The following HHAT variants were observed in gnomAD, a reference collection of about 807,000 sequenced individuals.
The protein encoded by HHAT is protein-cysteine N-palmitoyltransferase HHAT.
A neutral mutation model predicts 70.8 loss-of-function variants in HHAT; 47 were observed. That is an observed-to-expected ratio of 0.66 (90% CI 0.53 to 0.85). The LOEUF (loss-of-function observed/expected upper bound fraction) is 0.85. Ranked by LOEUF, HHAT falls within the 40% of genes least tolerant of loss-of-function variation. HHAT has a pLI of 0.00. For missense variants in HHAT, 609 were observed against 604.8 expected (o/e 1.01, Z -0.07); for synonymous variants, 228 against 247.6 (o/e 0.92, Z 0.74).
intron 1 of HHAT, among the ~76,000 whole-genome samples, chr1:210,340,904 T>G (rs1313661266): frequency 6.6e-6 from 1 of 152,214 alleles, no homozygotes; most frequent in Non-Finnish European, 1.5e-5. Context: ...GGTATGAATC[T>G]AAGCTTTGCT....
At chr1:210,450,023 G>C (rs1340760810) in intron 7 of HHAT, among the ~76,000 whole-genome samples, 1 of 152,044 alleles carries the variant, frequency 6.6e-6, no homozygotes, top group African/African-American at 2.4e-5. Flanking sequence ...GGCTTGGCGT[G>C]GTGGCTCACC....
chr1:210,477,025 C>T (rs1032269200), intron 8 of HHAT, among the ~76,000 whole-genome samples: 2 of 152,180 alleles, frequency 1.3e-5, no homozygotes, highest in African/African-American at 2.4e-5. Flanking sequence ...ATCTTACATT[C>T]ACATGGATCA....
chr1:210,474,321 C>A (rs533679133), intron 8 of HHAT, among the ~76,000 whole-genome samples: 5 of 152,152 alleles, frequency 3.3e-5, no homozygotes, highest in African/African-American at 1.2e-4. Context: ...GACAGGCTCT[C>A]GCTCTGTTGC....
At chr1:210,642,023 T>A (rs546946991) in intron 11 of HHAT, among the ~76,000 whole-genome samples, 1 of 152,380 alleles carries the variant, frequency 6.6e-6, no homozygotes, top group South Asian at 2.1e-4. Flanking sequence ...TGTATTTTTT[T>A]AAATTTGTCA....
chr1:210,642,743 A>G (rs1271319841), intron 11 of HHAT, among the ~76,000 whole-genome samples: 1 of 151,992 alleles, frequency 6.6e-6, no homozygotes, highest in East Asian at 1.9e-4. Context: ...TCTGGGTAAG[A>G]ATTTTTTGTT....
intron 8 of HHAT, 137 bp downstream of exon 8, chr1:210,464,792 C>G (rs971377309): frequency 6.1e-6 from 5 of 819,680 alleles, no homozygotes; most frequent in Non-Finnish European, 9.6e-6. Context: ...TTTCTTCATC[C>G]TACTAACAGG....
At chr1:210,358,692 T>C (rs1343249228) in intron 2 of HHAT, among the ~76,000 whole-genome samples, 2 of 152,144 alleles carry the variant, frequency 1.3e-5, no homozygotes, top group African/African-American at 4.8e-5. Context: ...GTTTTGCCAA[T>C]GTATAGAAAC....
At chr1:210,671,401 C>T (rs1680052618) in intron 11 of HHAT, among the ~76,000 whole-genome samples, 1 of 152,164 alleles carries the variant, frequency 6.6e-6, no homozygotes, top group African/African-American at 2.4e-5. Context: ...CAGGATGGGT[C>T]CATGTGGAAG....
At chr1:210,484,357 T>C (rs2094442740) in intron 8 of HHAT, among the ~76,000 whole-genome samples, 1 of 152,180 alleles carries the variant, frequency 6.6e-6, no homozygotes. Context: ...GCAGGAATAC[T>C]ACATAAGAAG....
intron 9 of HHAT, among the ~76,000 whole-genome samples, chr1:210,528,494 T>C (rs1450682139): frequency 2.0e-5 from 3 of 152,212 alleles, no homozygotes; most frequent in Non-Finnish European, 4.4e-5. Flanking sequence ...CTAAGGAGTT[T>C]CCTGGGGAAA....
intron 11 of HHAT, among the ~76,000 whole-genome samples, chr1:210,652,243 A>C (rs558879591): frequency 1.9e-4 from 29 of 152,202 alleles, no homozygotes; most frequent in Admixed American, 9.2e-4. Flanking sequence ...AGAATGGAGG[A>C]ATCAAAACAA....
At chr1:210,560,669 G>T (rs575651703) in intron 9 of HHAT, among the ~76,000 whole-genome samples, 6 of 151,028 alleles carry the variant, frequency 4.0e-5, no homozygotes, top group Non-Finnish European at 7.4e-5. Flanking sequence ...AAAAAGCCAG[G>T]TGTGATGGCA....
chr1:210,615,741 G>C (rs1287830356), intron 10 of HHAT, among the ~76,000 whole-genome samples: 1 of 152,272 alleles, frequency 6.6e-6, no homozygotes. Context: ...AGTGGAGGCT[G>C]CAGAGCAGCG....
chr1:210,341,156 G>A (rs1470248377), intron 1 of HHAT, among the ~76,000 whole-genome samples: 1 of 152,212 alleles, frequency 6.6e-6, no homozygotes, highest in East Asian at 1.9e-4. Flanking sequence ...AGGACATTAA[G>A]CAGTGAGTCA....
intron 3 of HHAT, among the ~76,000 whole-genome samples, chr1:210,368,411 C>G (rs1022940425): frequency 3.9e-5 from 6 of 152,132 alleles, no homozygotes; most frequent in African/African-American, 1.4e-4. Context: ...CTTGCCTCAG[C>G]CTCCTGAGTA....
chr1:210,535,884 A>AT (rs1199868689), intron 9 of HHAT, among the ~76,000 whole-genome samples: 1 of 152,218 alleles, frequency 6.6e-6, no homozygotes, highest in Admixed American at 6.5e-5. Flanking sequence ...AACCAATAGC[A>AT]TGGCCCCTTT....
intron 10 of HHAT, among the ~76,000 whole-genome samples, chr1:210,621,009 A>G (rs1175128091): frequency 6.6e-6 from 1 of 152,024 alleles, no homozygotes; most frequent in Non-Finnish European, 1.5e-5. Context: ...AGGGCTGGAC[A>G]GAGGAGTCCT....
At chr1:210,593,761 A>G (rs4845057) in intron 10 of HHAT, among the ~76,000 whole-genome samples, 146,459 of 152,234 alleles carry the variant, frequency 0.96, 70,695 homozygotes, top group East Asian at 1. Flanking sequence ...TTCTGAAAGT[A>G]GGGTGTGTAA....
At chr1:210,659,326 G>C (rs1312615071) in intron 11 of HHAT, among the ~76,000 whole-genome samples, 1 of 152,100 alleles carries the variant, frequency 6.6e-6, no homozygotes, top group Non-Finnish European at 1.5e-5. Context: ...AAATAAACTA[G>C]AAAATCTAGA....
Sources: allele counts gnomAD v4.1 joint callset (sites outside exome capture counted in the v4.1 genomes callset), GRCh38; gene constraint gnomAD v4.1.1; transcripts MANE v1.5; gene names NCBI Gene and HGNC (gene_info 2026-07-23, HGNC 2026-07-21).